Variants in ARB2A observed in about 807,000 individuals in gnomAD.
The protein encoded by ARB2A is ARB2 cotranscriptional regulator A, also known as cotranscriptional regulator ARB2A.
chr5:93,827,914 C>T, the ARB2A span, among the ~76,000 whole-genome samples: 10 of 152,230 alleles, frequency 6.6e-5, no homozygotes, highest in Middle Eastern at 6.8e-3. Context: ...CGTAGGCATG[C>T]GGCGTTATTT....
the ARB2A span, among the ~76,000 whole-genome samples, chr5:93,808,149 A>G: frequency 6.6e-6 from 1 of 152,048 alleles, no homozygotes; most frequent in Non-Finnish European, 1.5e-5. Context: ...CAGTAAATAT[A>G]TACTGATGAA....
chr5:94,089,594 TACACACACACACACACACACACACAC>T, the ARB2A span, among the ~76,000 whole-genome samples: 1 of 135,590 alleles, frequency 7.4e-6, no homozygotes, highest in Non-Finnish European at 1.6e-5. Context: ...AAACCGTTTA[TACACACACACACACACACACACACAC>T]ACACACACAC....
chr5:93,783,510 C>T, the ARB2A span, among the ~76,000 whole-genome samples: 2 of 152,086 alleles, frequency 1.3e-5, no homozygotes, highest in African/African-American at 2.4e-5. Context: ...AATTTACCCA[C>T]CACACAGTCC....
chr5:93,836,217 T>C, the ARB2A span, among the ~76,000 whole-genome samples: 1 of 152,060 alleles, frequency 6.6e-6, no homozygotes, highest in Admixed American at 6.5e-5. Context: ...TTAGTAGAGA[T>C]GGGGTTTCAC....
At chr5:93,942,286 G>A in the ARB2A span, among the ~76,000 whole-genome samples, 2 of 152,098 alleles carry the variant, frequency 1.3e-5, no homozygotes, top group African/African-American at 4.8e-5. Context: ...AATGTGCTAA[G>A]CTTTTAACCT....
At chr5:93,705,152 G>A in the ARB2A span, among the ~76,000 whole-genome samples, 1 of 152,144 alleles carries the variant, frequency 6.6e-6, no homozygotes, top group South Asian at 2.1e-4. Flanking sequence ...CCATTCAAAT[G>A]CCAGGACTTG....
At chr5:93,858,776 G>T in the ARB2A span, among the ~76,000 whole-genome samples, 67 of 152,162 alleles carry the variant, frequency 4.4e-4, no homozygotes, top group South Asian at 0.013. Flanking sequence ...AAATGTAAAA[G>T]AATTCTTCTA....
the ARB2A span, among the ~76,000 whole-genome samples, chr5:93,757,632 G>C: frequency 2.0e-5 from 3 of 152,098 alleles, no homozygotes; most frequent in Admixed American, 2.0e-4. Flanking sequence ...GTGAAACTAA[G>C]CATCACATAT....
chr5:93,672,920 C>T, the ARB2A span, among the ~76,000 whole-genome samples: 1 of 152,128 alleles, frequency 6.6e-6, no homozygotes, highest in Non-Finnish European at 1.5e-5. Context: ...CTCAGTTTCT[C>T]GCATTTCTAC....
chr5:93,671,961 T>C, the ARB2A span, among the ~76,000 whole-genome samples: 2 of 152,212 alleles, frequency 1.3e-5, no homozygotes, highest in Non-Finnish European at 2.9e-5. Flanking sequence ...TAGTAAGTAC[T>C]GTCTAAGGAG....
the ARB2A span, among the ~76,000 whole-genome samples, chr5:93,627,443 G>GT: frequency 0.03 from 3,903 of 130,502 alleles, 90 homozygotes; most frequent in African/African-American, 0.048. Context: ...AATGTGTTTT[G>GT]TTTTTTTTTT....
At chr5:93,900,965 T>C in the ARB2A span, among the ~76,000 whole-genome samples, 1 of 152,154 alleles carries the variant, frequency 6.6e-6, no homozygotes, top group South Asian at 2.1e-4. Context: ...AGAACTACTC[T>C]TAGGTTTATG....
chr5:93,623,727 A>C, the ARB2A span, among the ~76,000 whole-genome samples: 1 of 152,148 alleles, frequency 6.6e-6, no homozygotes, highest in Non-Finnish European at 1.5e-5. Flanking sequence ...TGTCAGACGA[A>C]GGGAAATTGC....
At chr5:94,013,276 T>A in the ARB2A span, among the ~76,000 whole-genome samples, 1 of 151,184 alleles carries the variant, frequency 6.6e-6, no homozygotes, top group African/African-American at 2.4e-5. Flanking sequence ...CCTCCCGGGT[T>A]CAAGCAATTT....
At chr5:93,898,104 A>G in the ARB2A span, among the ~76,000 whole-genome samples, 2 of 151,996 alleles carry the variant, frequency 1.3e-5, no homozygotes, top group African/African-American at 4.8e-5. Flanking sequence ...TACCCCTGAC[A>G]ATTTTAAGGA....
chr5:93,666,217 T>C, the ARB2A span, among the ~76,000 whole-genome samples: 2 of 152,216 alleles, frequency 1.3e-5, no homozygotes, highest in African/African-American at 4.8e-5. Flanking sequence ...TCAACCTTCA[T>C]TTTAATAAAC....
At chr5:93,664,603 C>T in the ARB2A span, among the ~76,000 whole-genome samples, 2 of 149,636 alleles carry the variant, frequency 1.3e-5, no homozygotes, top group African/African-American at 4.9e-5. Flanking sequence ...TGCACTCCAG[C>T]CTGGGCGACA....
At chr5:93,620,735 TAATGTGAGCGCTGACTGGCA>T in the ARB2A span, 1 of 374,558 alleles carries the variant, frequency 2.7e-6, no homozygotes, top group Non-Finnish European at 4.7e-6. Flanking sequence ...CTGTCAGCCT[TAATGTGAGCGCTGACTGGCA>T]GCGCTCAGCC....
the ARB2A span, among the ~76,000 whole-genome samples, chr5:93,731,225 TA>T: frequency 6.6e-6 from 1 of 152,234 alleles, no homozygotes; most frequent in South Asian, 2.1e-4. Flanking sequence ...TATTTGGAGA[TA>T]GGATCTTTAC....
Sources: allele counts gnomAD v4.1 joint callset (sites outside exome capture counted in the v4.1 genomes callset), GRCh38; gene constraint gnomAD v4.1.1; transcripts MANE v1.5; gene names NCBI Gene and HGNC (gene_info 2026-07-23, HGNC 2026-07-21).